The following KLHDC10 variants were observed in gnomAD, a reference collection of about 807,000 sequenced individuals.
The protein encoded by KLHDC10 is kelch domain containing 10, also known as kelch domain-containing protein 10.
In KLHDC10, 24 loss-of-function variants were observed where a neutral mutation model predicts 56.1. The ratio of observed to expected loss-of-function variants is 0.43; its 90% confidence interval spans 0.31 to 0.60. The LOEUF (loss-of-function observed/expected upper bound fraction) is 0.60, where lower values mean the gene tolerates loss of function less well. Ranked by LOEUF, KLHDC10 falls within the 20% of genes least tolerant of loss-of-function variation. The probability of loss-of-function intolerance (pLI) is 0.11; values close to 1 mark genes in which losing one functional copy is unlikely to be tolerated. For missense variants in KLHDC10, 349 were observed against 567.0 expected, an observed-to-expected ratio of 0.62 and a Z score of 3.91; for synonymous variants, 188 against 207.1, an observed-to-expected ratio of 0.91 and a Z score of 0.79.
intron 5 of KLHDC10, among the ~76,000 whole-genome samples, 159 bp downstream of exon 5, chr7:130,122,361 T>TTA (rs1796259311): frequency 6.6e-6 from 1 of 152,076 alleles, no homozygotes; most frequent in Non-Finnish European, 1.5e-5. Context: ...AGGTCTATAG[T>TTA]AAAAAAAGTT....
rs1179734128 is a variant in KLHDC10 at position 130,129,522 on chromosome 7, G to A, written c.1065G>A (p.Lys355=). The A allele has an allele frequency of 1.9e-6, 3 of 1,614,028 alleles. No homozygotes were observed. The highest frequency in any genetic ancestry group is 2.5e-6 in the Non-Finnish European group (3 of 1,180,018). The part of the protein sequence containing the change: ...KLNLQTFQWV[K]LPATMPEPVY... ...ATCTGCAGACTTTCCAATGGGTGAA[G>A]CTCCCAGCTACCATGCCAGAGCCAG... The change falls in exon 9 of 10, where the codon AAG becomes AAA. Residue 355 remains lysine (K), a synonymous_variant. Transcript: ENST00000335420.
At chr7:130,123,078 C>T (rs537837765) in intron 5 of KLHDC10, among the ~76,000 whole-genome samples, 15 of 151,962 alleles carry the variant, frequency 9.9e-5, no homozygotes, top group Admixed American at 7.2e-4. Context: ...ATTTTAAGTG[C>T]TGTGTTAAAC....
chr7:130,113,824 C>T (rs1796133154), intron 2 of KLHDC10, among the ~76,000 whole-genome samples: 1 of 152,104 alleles, frequency 6.6e-6, no homozygotes, highest in Non-Finnish European at 1.5e-5. Flanking sequence ...CATATTTGCC[C>T]AAAAGCAGCT....
intron 1 of KLHDC10, among the ~76,000 whole-genome samples, chr7:130,072,791 C>G (rs886734329): frequency 2.6e-5 from 4 of 151,580 alleles, no homozygotes; most frequent in Non-Finnish European, 5.9e-5. Context: ...GAGTCTCACT[C>G]TGTCCTCCAG....
intron 3 of KLHDC10, among the ~76,000 whole-genome samples, chr7:130,118,617 C>T (rs62491325): frequency 0.052 from 7,865 of 152,284 alleles, 280 homozygotes; most frequent in South Asian, 0.13. Flanking sequence ...GCCTAGCTTT[C>T]GCCTGCCTTT....
At chr7:130,087,685 A>G (rs959156555) in intron 1 of KLHDC10, among the ~76,000 whole-genome samples, 4 of 152,196 alleles carry the variant, frequency 2.6e-5, no homozygotes, top group African/African-American at 7.2e-5. Flanking sequence ...GCTAACCACA[A>G]ATATTTTGGT....
Position 130,070,537 on chromosome 7 carries a change from C to A in KLHDC10, c.-107C>A. The A allele has an allele frequency of 9.1e-7, 1 of 1,101,856 alleles. No individual in the cohort carries two copies. Among genetic ancestry groups the A allele is most frequent in the Non-Finnish European group, 1.2e-6 (1 of 864,394 alleles). 68.3% of individuals were successfully genotyped at this position (1,101,856 alleles called of 1,614,324 possible). On this transcript the variant is annotated 5_prime_UTR_variant, in exon 1 of 10. Transcript: ENST00000335420. ...GTCTCTGGTGGGACCGGGCGCTGCC[C>A]CCTTCCCCTGTCTCCTGGGTCTCTG...
At chr7:130,128,889 A>AAAAAAAAAAAAAAATAT in intron 8 of KLHDC10, among the ~76,000 whole-genome samples, 2 of 66,956 alleles carry the variant, frequency 3.0e-5, no homozygotes, top group Non-Finnish European at 5.5e-5. Flanking sequence ...AAAAAAAAAA[A>AAAAAAAAAAAAAAATAT]ATATATATAT....
At chr7:130,106,707 GT>G (rs2116885332) in intron 2 of KLHDC10, among the ~76,000 whole-genome samples, 1 of 152,364 alleles carries the variant, frequency 6.6e-6, no homozygotes, top group African/African-American at 2.4e-5. Context: ...TGGGCGCACA[GT>G]GGCTCATGCC....
chr7:130,087,046 C>G (rs1795701513), intron 1 of KLHDC10, among the ~76,000 whole-genome samples: 1 of 152,158 alleles, frequency 6.6e-6, no homozygotes, highest in Non-Finnish European at 1.5e-5. Context: ...GTTAAGGAAG[C>G]TGGGGTACCC....
At position 130,090,369 on chromosome 7, in the gene KLHDC10, T is replaced by C. The variant is rs573869410; in HGVS notation, c.167-6552T>C. ...TTGGGAGACCGAGGTGGGCAAATCA[T>C]TGGAGCCCAGGAGTTTGAGACCAGC... On this transcript the variant is annotated intron_variant, in intron 1 of 9. Coordinates refer to ENST00000335420, the MANE Select transcript of KLHDC10 (RefSeq NM_014997.4). Among the ~76,000 whole-genome samples the C allele has an allele frequency of 2.8e-4, 43 of 152,068 alleles. No homozygotes were observed. The South Asian group carries it at 5.2e-3, about 18-fold the overall frequency.
chr7:130,073,602 A>G (rs1795454756), intron 1 of KLHDC10, among the ~76,000 whole-genome samples: 1 of 152,006 alleles, frequency 6.6e-6, no homozygotes, highest in African/African-American at 2.4e-5. Flanking sequence ...AGCCAGCCCC[A>G]TGTTCCATTT....
At chr7:130,074,160 A>C (rs1795464049) in intron 1 of KLHDC10, among the ~76,000 whole-genome samples, 1 of 152,080 alleles carries the variant, frequency 6.6e-6, no homozygotes, top group South Asian at 2.1e-4. Context: ...GCCCCCTTGG[A>C]TGTATCATGC....
intron 5 of KLHDC10, 108 bp from the exon 6 acceptor site, chr7:130,124,343 C>A: frequency 1.5e-6 from 1 of 657,144 alleles, no homozygotes. Flanking sequence ...TAGGTTATTT[C>A]CAATAACTTA....
chr7:130,071,115 C>T (rs530810151), intron 1 of KLHDC10, among the ~76,000 whole-genome samples: 3 of 152,322 alleles, frequency 2.0e-5, no homozygotes, highest in African/African-American at 7.2e-5. Flanking sequence ...CAATCTCTTC[C>T]CCTTCCGCAG....
At chr7:130,076,875 A>G (rs1446574465) in intron 1 of KLHDC10, among the ~76,000 whole-genome samples, 1 of 151,984 alleles carries the variant, frequency 6.6e-6, no homozygotes, top group Admixed American at 6.6e-5. Flanking sequence ...TACTTCCCAG[A>G]GTTTTCCTGG....
intron 2 of KLHDC10, among the ~76,000 whole-genome samples, chr7:130,110,594 T>G (rs2140877): frequency 0.15 from 22,519 of 152,060 alleles, 1,964 homozygotes; most frequent in East Asian, 0.31. Context: ...TGTACCTGCC[T>G]TTTGGGGGAT....
In KLHDC10 at chr7:130,120,374, G is replaced by C. The variant is rs937942915; in HGVS notation, c.476-375G>C. On this transcript the variant is annotated intron_variant, in intron 3 of 9. Coordinates refer to ENST00000335420, the MANE Select transcript of KLHDC10 (RefSeq NM_014997.4). This position sits in a 1 kb window ranked among gnomAD's most constrained non-coding sequence, Gnocchi z 5.1. Reference sequence around the variant, plus strand: ...TAGTGGAATTAGATCTTTTTCTGCAGAACTTTGTAGTATAGGCTATGTATC... The same window carrying C: ...TAGTGGAATTAGATCTTTTTCTGCACAACTTTGTAGTATAGGCTATGTATC... 1.4e-4 allele frequency among the ~76,000 whole-genome samples: 22 copies of C among 152,182 alleles called. No homozygotes were observed. The highest frequency in any genetic ancestry group is 5.1e-4 in the African/African-American group (21 of 41,454).
intron 1 of KLHDC10, among the ~76,000 whole-genome samples, chr7:130,085,915 A>C (rs1795683633): frequency 6.6e-6 from 1 of 152,058 alleles, no homozygotes; most frequent in Non-Finnish European, 1.5e-5. Context: ...ACAGTACTAT[A>C]AGTAATCTTA....
Sources: allele counts gnomAD v4.1 joint callset (sites outside exome capture counted in the v4.1 genomes callset), GRCh38; gene constraint gnomAD v4.1.1; non-coding constraint Gnocchi (gnomAD v3.1); transcripts MANE v1.5; gene names NCBI Gene and HGNC (gene_info 2026-07-23, HGNC 2026-07-21).